The following CSTF2 variants were observed in gnomAD, a reference collection of about 807,000 sequenced individuals.
CSTF2 encodes CF-1 64 kDa subunit.
A neutral mutation model predicts 45.4 loss-of-function variants in CSTF2; 8 were observed. The observed-to-expected ratio is 0.18, with a 90% CI of 0.10 to 0.32. CSTF2 has a LOEUF of 0.32. CSTF2 is among the 10% of genes least tolerant of loss of function. The pLI is 1.00. For missense variants in CSTF2, 253 were observed against 477.1 expected (o/e 0.53, Z 4.38); for synonymous variants, 155 against 158.9 (o/e 0.98, Z 0.18).
chrX:100,830,794 T>TA (rs1395116223), intron 8 of CSTF2: 5 of 1,147,443 alleles, frequency 4.4e-6, no homozygotes, highest in Non-Finnish European at 5.8e-6. Flanking sequence ...CTTTTGAACT[T>TA]ACTGCTTACC....
intron 11 of CSTF2, among the ~76,000 whole-genome samples, chrX:100,835,276 T>TAAA (rs59862712): frequency 2.3e-5 from 2 of 88,721 alleles, no homozygotes; most frequent in African/African-American, 4.2e-5. Context: ...CTCCCATCTT[T>TAAA]AAAAAAAAAA....
intron 4 of CSTF2, 126 bp from the exon 5 acceptor site, chrX:100,823,760 T>G: frequency 1.2e-6 from 1 of 815,770 alleles, no homozygotes; most frequent in South Asian, 2.9e-5. Context: ...CAAGGTTTTT[T>G]TGTGCCATGC....
At chrX:100,830,985 G>C (rs756087607) in intron 8 of CSTF2, 27 of 607,629 alleles carry the variant, frequency 4.4e-5, no homozygotes, top group Non-Finnish European at 6.5e-5. Flanking sequence ...TAGTGTTTTT[G>C]GGTTTTTGTT....
chrX:100,840,669 C>T (rs1356710825), intron 13 of CSTF2, 45 bp from the exon 14 acceptor site: 1 of 111,582 alleles, frequency 9.0e-6, no homozygotes, highest in Admixed American at 9.5e-5. Context: ...CGGAAGAGAG[C>T]TTTGTCTTCA....
intron 8 of CSTF2, among the ~76,000 whole-genome samples, chrX:100,829,625 A>C (rs1602369016): frequency 8.9e-6 from 1 of 111,966 alleles, no homozygotes; most frequent in Admixed American, 9.5e-5. Flanking sequence ...TTCTTGTTAG[A>C]AGTCTGACAG....
rs141314804 is a variant in CSTF2 at position 100,833,769 on chromosome X, A to G, written c.1500+297A>G. Among the ~76,000 whole-genome samples, 627 of 111,943 alleles carry G rather than the reference A, an allele frequency of 5.6e-3. 3 individuals are homozygous for G. The highest frequency in any genetic ancestry group is 0.019 in the African/African-American group (584 of 30,801). On this transcript the variant is annotated intron_variant, in intron 11 of 13. Coordinates refer to ENST00000372972, the MANE Select transcript of CSTF2 (RefSeq NM_001325.3). ...CTTGATTGGGGTACAAACCAACATCATGTACACGGTTTTTTCCAAGATATA... is the reference window on the plus strand; with the variant it reads ...CTTGATTGGGGTACAAACCAACATCGTGTACACGGTTTTTTCCAAGATATA...
chrX:100,841,380 AGT>A lies in CSTF2; in HGVS notation c.*675_*676del, dbSNP rs1303869028. Among the ~76,000 whole-genome samples the A allele has an allele frequency of 8.9e-6, 1 of 112,544 alleles. No homozygotes were observed. The highest frequency in any genetic ancestry group is 1.9e-5 in the Non-Finnish European group (1 of 53,332). Reference sequence around the variant, plus strand: ...CAAAAATTGTTTTAGCACTGGTTTGAGTGTGTCAGCAACACAAGAGACTGTTG... The same window carrying A: ...CAAAAATTGTTTTAGCACTGGTTTGAGTGTCAGCAACACAAGAGACTGTTG... On this transcript the variant is annotated 3_prime_UTR_variant, in exon 14 of 14. Coordinates refer to ENST00000372972, the MANE Select transcript of CSTF2 (RefSeq NM_001325.3).
intron 8 of CSTF2, chrX:100,830,680 C>T (rs1206620328): frequency 1.0e-5 from 5 of 496,087 alleles, no homozygotes; most frequent in Non-Finnish European, 1.7e-5. Flanking sequence ...CTGGAGCAAG[C>T]CGATGAACTC....
In CSTF2 at chrX:100,826,720, T is replaced by C. The variant is rs755483430; in HGVS notation, c.789T>C (p.Ala263=). 9.9e-6 allele frequency: 12 copies of C among 1,209,124 alleles called. No homozygotes were observed. The highest frequency in any genetic ancestry group is 1.2e-5 in the Non-Finnish European group (11 of 894,765). Residue 263 remains alanine, a synonymous_variant, in exon 7 of 14, where the codon GCT becomes GCC. Transcript: ENST00000372972. Reference sequence around the variant, plus strand: ...CAGCACCAGGGCAAATGCCAGCTGCTGTCACAGGACCTGGCCCTGGTTCCT... The same window carrying C: ...CAGCACCAGGGCAAATGCCAGCTGCCGTCACAGGACCTGGCCCTGGTTCCT... The part of the protein sequence containing the change: ...GVPAPGQMPA[A]VTGPGPGSLA...
At chrX:100,821,718 C>T in intron 2 of CSTF2, 113 bp downstream of exon 2, 2 of 494,943 alleles carry the variant, frequency 4.0e-6, no homozygotes, top group Non-Finnish European at 7.1e-6. Flanking sequence ...ACATTTTGTT[C>T]TTGTAACAGC....
intron 8 of CSTF2, 32 bp downstream of exon 8, chrX:100,828,134 A>G: frequency 8.9e-7 from 1 of 1,121,727 alleles, no homozygotes; most frequent in Non-Finnish European, 1.2e-6. Flanking sequence ...ACTAATGTTA[A>G]TTGGTCATGG....
At position 100,838,260 on chromosome X, in the gene CSTF2, C is replaced by T. The variant is rs2085021269; in HGVS notation, c.1633C>T (p.Leu545=). The T allele has an allele frequency of 3.4e-6, 4 of 1,193,987 alleles. No homozygotes were observed. The South Asian group carries it at 5.6e-5, about 17-fold the overall frequency. ...HEKAALIMQV[L]QLTADQIAML... ...ACAGGCTGCTTTGATTATGCAGGTTCTACAACTGACTGCAGACCAGATTGC... is the reference window on the plus strand; with the variant it reads ...ACAGGCTGCTTTGATTATGCAGGTTTTACAACTGACTGCAGACCAGATTGC... The change falls in exon 13 of 14, where the codon CTA becomes TTA. Residue 545 remains leucine (L), a synonymous_variant. Transcript: ENST00000372972.
At chrX:100,830,670 C>G (rs754553533) in intron 8 of CSTF2, 1 of 465,016 alleles carries the variant, frequency 2.2e-6, no homozygotes, top group South Asian at 3.6e-5. Context: ...ATTTTGTAGC[C>G]TGGAGCAAGC....
At chrX:100,825,156 A>G (rs955739850) in intron 6 of CSTF2, among the ~76,000 whole-genome samples, 4 of 112,321 alleles carry the variant, frequency 3.6e-5, no homozygotes, top group Non-Finnish European at 7.5e-5. Context: ...AAATTTTGAA[A>G]CATTAAGAAG....
intron 11 of CSTF2, among the ~76,000 whole-genome samples, chrX:100,834,434 A>C (rs1333345826): frequency 8.9e-6 from 1 of 112,213 alleles, no homozygotes; most frequent in Non-Finnish European, 1.9e-5. Flanking sequence ...AAGGAACAGA[A>C]GCCACTACTT....
chrX:100,830,963 A>T, intron 8 of CSTF2: 1 of 717,004 alleles, frequency 1.4e-6, no homozygotes. Context: ...TCGCGTTCAG[A>T]ACCCAAAAGG....
intron 11 of CSTF2, 25 bp from the exon 12 acceptor site, chrX:100,837,312 ATC>A: frequency 8.9e-7 from 1 of 1,124,936 alleles, no homozygotes. Flanking sequence ...AATGCCAAAA[ATC>A]TCTCTTTTCT....
At position 100,833,372 on chromosome X, in the gene CSTF2, C is replaced by T; in HGVS notation, c.1400C>T (p.Thr467Ile). The change falls in exon 11 of 14, where the codon ACC becomes ATC. Residue 467 changes from threonine (T) to isoleucine (I), a missense_variant. Transcript: ENST00000372972. Reference sequence around the variant, plus strand: ...GGGATGGAGGCCAGAGGCATGGATACCAGAGGCCCAGTGCCTGGCCCCAGA... The same window carrying T: ...GGGATGGAGGCCAGAGGCATGGATATCAGAGGCCCAGTGCCTGGCCCCAGA... ...VRGMEARGMD[T>I]RGPVPGPRGP... 1 of 1,209,439 alleles carries T rather than the reference C, an allele frequency of 8.3e-7. No individual in the cohort carries two copies. Among genetic ancestry groups the T allele is most frequent in the East Asian group, 3.0e-5 (1 of 33,755 alleles).
chrX:100,838,409 T>G, intron 13 of CSTF2, 45 bp downstream of exon 13: 1 of 1,117,964 alleles, frequency 8.9e-7, no homozygotes, highest in Admixed American at 2.6e-5. Flanking sequence ...GCTCCTTGTC[T>G]ATTCTGGGTA....
Sources: gnomAD v4.1 joint callset for allele counts (sites outside exome capture counted in the v4.1 genomes callset) on GRCh38, gnomAD v4.1.1 for gene constraint, MANE v1.5 for transcripts, NCBI Gene and HGNC (gene_info 2026-07-23, HGNC 2026-07-21) for gene names.